PKD1L3: variants seen among roughly 807,000 people sequenced by gnomAD.
PKD1L3 encodes the protein polycystin-1-like protein 3.
Under a neutral mutation model 184.1 loss-of-function variants are expected in PKD1L3, and 239 were observed. That is an observed-to-expected ratio of 1.30 (90% CI 1.17 to 1.45). PKD1L3 has a LOEUF of 1.45. PKD1L3 is among the 40% of genes most tolerant of loss of function. The probability of loss-of-function intolerance (pLI) is 0.00; values close to 1 mark genes in which losing one functional copy is unlikely to be tolerated. For missense variants in PKD1L3, 2,660 were observed against 2,067.2 expected, an observed-to-expected ratio of 1.29 and a Z score of -5.56; for synonymous variants, 996 against 778.8, an observed-to-expected ratio of 1.28 and a Z score of -4.64.
chr16:71,969,408 C>T (rs548997014), intron 13 of PKD1L3, among the ~76,000 whole-genome samples: 65 of 151,132 alleles, frequency 4.3e-4, no homozygotes, highest in African/African-American at 1.5e-3. Context: ...TGGGCTCAAG[C>T]GATCTTCCCA....
chr16:71,996,474 A>G (rs576326239), intron 2 of PKD1L3, among the ~76,000 whole-genome samples: 1 of 151,818 alleles, frequency 6.6e-6, no homozygotes, highest in Non-Finnish European at 1.5e-5. Flanking sequence ...GTTGGCCAGG[A>G]TGGTCTCAAT....
rs1309577566 is a variant in PKD1L3 at position 71,951,628 on chromosome 16, G to T, written c.3126C>A (p.Ser1042Arg). 1 of 1,551,698 alleles carries T rather than the reference G, an allele frequency of 6.4e-7. No individual in the cohort carries two copies. The highest frequency in any genetic ancestry group is 8.7e-7 in the Non-Finnish European group (1 of 1,147,024). Residue 1042 changes from serine to arginine, a missense_variant, in exon 19 of 30, where the codon AGC becomes AGA. Ser to Arg is a moderately radical substitution (Grantham distance 110). Transcript: ENST00000620267. ...DITKLVKLLSSLVSSHLEGQG... is the reference protein window; with the variant it reads ...DITKLVKLLSRLVSSHLEGQG... ...GACCCTCCAAGTGAGATGATACGAG[G>T]CTGGATAAAAGTTTCACCAGCTTAG...
intron 11 of PKD1L3, among the ~76,000 whole-genome samples, chr16:71,974,669 G>A (rs374802688): frequency 1.3e-5 from 2 of 152,344 alleles, no homozygotes; most frequent in South Asian, 2.1e-4. Context: ...GGGCGACACA[G>A]TGAGCCTGTC....
chr16:71,947,456 G>T, intron 22 of PKD1L3, 36 bp downstream of exon 22: 1 of 1,426,046 alleles, frequency 7.0e-7, no homozygotes, highest in Non-Finnish European at 9.6e-7. Flanking sequence ...TTTGCTTTTT[G>T]CAAAATTAGG....
intron 25 of PKD1L3, among the ~76,000 whole-genome samples, chr16:71,936,877 C>A (rs1217628601): frequency 6.6e-6 from 1 of 152,108 alleles, no homozygotes; most frequent in Non-Finnish European, 1.5e-5. Flanking sequence ...AGACTTAATT[C>A]TTTAGCTCCT....
chr16:71,934,070 C>G lies in PKD1L3; in HGVS notation c.4669G>C (p.Gly1557Arg), dbSNP rs2038088581. 5.8e-6 allele frequency: 9 copies of G among 1,551,778 alleles called. No homozygotes were observed. The highest frequency in any genetic ancestry group is 7.8e-6 in the Non-Finnish European group (9 of 1,147,048). ...KVNSAATHLV[G>R]FPVLLATVQL... ...ACAGTTGCCAGGAGAACCGGGAAGCCCACAAGGTGAGTCGCAGCAGAGTTC... is the reference window on the plus strand; with the variant it reads ...ACAGTTGCCAGGAGAACCGGGAAGCGCACAAGGTGAGTCGCAGCAGAGTTC... The change falls in exon 27 of 30, where the codon GGC becomes CGC. Residue 1557 changes from glycine (G) to arginine (R), a missense_variant. Transcript: ENST00000620267.
chr16:71,971,127 A>G (rs1266367760), intron 12 of PKD1L3, among the ~76,000 whole-genome samples: 1 of 152,216 alleles, frequency 6.6e-6, no homozygotes, highest in Non-Finnish European at 1.5e-5. Flanking sequence ...TCAGGCCAGT[A>G]GTTACCCTTT....
intron 28 of PKD1L3, among the ~76,000 whole-genome samples, chr16:71,932,215 A>G (rs770661874): frequency 1.7e-4 from 26 of 152,200 alleles, no homozygotes; most frequent in Non-Finnish European, 3.8e-4. Flanking sequence ...ATGATCAACC[A>G]TGATCAAAAT....
In PKD1L3 at chr16:71,967,841, A is replaced by T. The variant is rs2039559531; in HGVS notation, c.2286+65T>A. The stretch of plus-strand genomic sequence containing the variant: ...TGCTATTGGTTGCCAGGATATCACC[A>T]ACTCAGAGTGTGTCTCATGTGGCAG... On this transcript the variant is annotated intron_variant, in intron 14 of 29. Coordinates refer to ENST00000620267, the MANE Select transcript of PKD1L3 (RefSeq NM_181536.2). 3 of 1,352,338 alleles carry T rather than the reference A, an allele frequency of 2.2e-6. No individual in the cohort carries two copies. In the South Asian group the frequency reaches 3.9e-5, roughly 18 times the overall value. The allele number at this position is 1,352,338 out of a possible 1,614,324, so 83.8% of individuals were successfully genotyped here.
chr16:71,970,017 G>A lies in PKD1L3; in HGVS notation c.2042C>T (p.Thr681Ile). The A allele has an allele frequency of 6.4e-7, 1 of 1,551,670 alleles. No individual in the cohort carries two copies. The highest frequency in any genetic ancestry group is 1.4e-5 in the African/African-American group (1 of 73,146). The change falls in exon 13 of 30, where the codon ACC becomes ATC. Residue 681 changes from threonine to isoleucine, a missense_variant. Coordinates refer to ENST00000620267, the MANE Select transcript of PKD1L3 (RefSeq NM_181536.2). ...TTTGATCGTGTCTTCAACATTCACG[G>A]TCCTGGGCACGACAAAGAAGTCGCT... ...FASDFFVVPR[T>I]VNVEDTIKLF... is the part of the protein sequence containing the mutation.
chr16:71,970,832 T>A (rs1197625787), intron 12 of PKD1L3, among the ~76,000 whole-genome samples: 1 of 151,920 alleles, frequency 6.6e-6, no homozygotes, highest in Non-Finnish European at 1.5e-5. Flanking sequence ...AATACATAAA[T>A]ATAAAAATTT....
At chr16:71,950,572 C>T (rs1192793715) in intron 19 of PKD1L3, among the ~76,000 whole-genome samples, 2 of 152,046 alleles carry the variant, frequency 1.3e-5, no homozygotes, top group African/African-American at 4.8e-5. Flanking sequence ...GTACATGTGA[C>T]CTATACTAGT....
In PKD1L3 at chr16:71,967,700, G is replaced by C. The variant is rs192298680; in HGVS notation, c.2286+206C>G. ...GGCTGGTCTCAAACTCCTGACCTTA[G>C]GTGACCTCCCCACCTTGGCCTCCCA... On this transcript the variant is annotated intron_variant, in intron 14 of 29. Coordinates refer to ENST00000620267, the MANE Select transcript of PKD1L3 (RefSeq NM_181536.2). 4.6e-5 allele frequency among the ~76,000 whole-genome samples: 7 copies of C among 152,170 alleles called. No homozygotes were observed. In the South Asian group the frequency reaches 1.5e-3, roughly 32 times the overall value.
At chr16:71,940,562 C>G (rs555133027) in intron 24 of PKD1L3, among the ~76,000 whole-genome samples, 1 of 149,308 alleles carries the variant, frequency 6.7e-6, no homozygotes, top group Non-Finnish European at 1.5e-5. Context: ...TGCAGTGGCA[C>G]GATCTCAGCT....
At chr16:71,972,839 A>T (rs190476794) in intron 12 of PKD1L3, among the ~76,000 whole-genome samples, 3 of 152,310 alleles carry the variant, frequency 2.0e-5, no homozygotes, top group African/African-American at 7.2e-5. Context: ...CAGAATCACG[A>T]GTGTGCAAAT....
intron 11 of PKD1L3, 124 bp downstream of exon 11, chr16:71,977,112 C>T: frequency 1.3e-6 from 1 of 745,266 alleles, no homozygotes; most frequent in South Asian, 1.8e-5. Flanking sequence ...ACTTAAGAGG[C>T]TAAGGCAGGA....
chr16:71,929,861 A>G (rs908731571), intron 29 of PKD1L3, 183 bp from the exon 30 acceptor site: 19 of 959,422 alleles, frequency 2.0e-5, no homozygotes, highest in Admixed American at 3.0e-5. Context: ...TTATAGGACA[A>G]TGGCTATAGA....
intron 2 of PKD1L3, among the ~76,000 whole-genome samples, chr16:71,996,427 A>C (rs926817722): frequency 6.6e-6 from 1 of 151,470 alleles, no homozygotes; most frequent in South Asian, 2.1e-4. Context: ...CGCCTGGCTA[A>C]TTTTTGTATT....
intron 2 of PKD1L3, among the ~76,000 whole-genome samples, chr16:71,994,952 C>T (rs536434839): frequency 8.7e-4 from 132 of 152,238 alleles, no homozygotes; most frequent in Middle Eastern, 3.4e-3. Flanking sequence ...CACGCCATTA[C>T]ACTCCAGCCT....
Sources: allele counts gnomAD v4.1 joint callset (sites outside exome capture counted in the v4.1 genomes callset), GRCh38; gene constraint gnomAD v4.1.1; transcripts MANE v1.5; gene names NCBI Gene and HGNC (gene_info 2026-07-23, HGNC 2026-07-21).